Variants in PRKDC observed in about 807,000 individuals in gnomAD.
The protein encoded by PRKDC is DNA-dependent protein kinase catalytic subunit.
A neutral mutation model predicts 486.9 loss-of-function variants in PRKDC; 82 were observed. That is an observed-to-expected ratio of 0.17 (90% CI 0.14 to 0.20). The LOEUF (loss-of-function observed/expected upper bound fraction) is 0.20, where lower values mean the gene tolerates loss of function less well. Ranked by LOEUF, PRKDC falls within the 10% of genes least tolerant of loss-of-function variation. PRKDC has a pLI of 1.00. For synonymous variants in PRKDC, 1,895 were observed against 1,837.0 expected, an observed-to-expected ratio of 1.03 and a Z score of -0.81; for missense variants, 4,504 against 5,038.2, an observed-to-expected ratio of 0.89 and a Z score of 3.21.
rs566735848 is a variant in PRKDC, at chr8:47,896,503, C to T, written c.3598+658G>A. Among the ~76,000 whole-genome samples, 10 of 152,176 alleles carry T rather than the reference C, an allele frequency of 6.6e-5. 1 individual carries two copies. The highest frequency in any genetic ancestry group is 2.6e-4 in the Admixed American group (4 of 15,274). On this transcript the variant is annotated intron_variant, in intron 30 of 85. Coordinates refer to ENST00000314191, the MANE Select transcript of PRKDC (RefSeq NM_006904.7). Reference sequence around the variant, plus strand: ...TCTACTAAAAATACAAAAAATTAGCCGGACGCGGTGGCGGGTGCCTGTAGT... The same window carrying T: ...TCTACTAAAAATACAAAAAATTAGCTGGACGCGGTGGCGGGTGCCTGTAGT...
At chr8:47,939,397 G>A (rs1343139281) in intron 11 of PRKDC, among the ~76,000 whole-genome samples, 154 bp downstream of exon 11, 1 of 152,198 alleles carries the variant, frequency 6.6e-6, no homozygotes, top group Non-Finnish European at 1.5e-5. Context: ...AAAAACATCT[G>A]CATGTAAGTG....
At chr8:47,849,749 G>A (rs2088360139) in intron 52 of PRKDC, among the ~76,000 whole-genome samples, 1 of 152,188 alleles carries the variant, frequency 6.6e-6, no homozygotes, top group South Asian at 2.1e-4. Context: ...ACTGTGCTCT[G>A]TGCTGAGCAC....
At chr8:47,839,754 A>G (rs547316665) in intron 55 of PRKDC, among the ~76,000 whole-genome samples, 1 of 152,308 alleles carries the variant, frequency 6.6e-6, no homozygotes, top group South Asian at 2.1e-4. Context: ...AGGGGACCCA[A>G]ATGATCCCTA....
At chr8:47,904,067 T>C (rs908459576) in intron 26 of PRKDC, among the ~76,000 whole-genome samples, 2 of 152,000 alleles carry the variant, frequency 1.3e-5, no homozygotes, top group East Asian at 3.9e-4. Flanking sequence ...TATAGTAAAA[T>C]AAGCATCAAA....
At chr8:47,830,782 G>C (rs747063947) in intron 60 of PRKDC, 46 bp from the exon 61 acceptor site, 1 of 1,612,116 alleles carries the variant, frequency 6.2e-7, no homozygotes, top group Non-Finnish European at 8.5e-7. Context: ...TCTCATTGAA[G>C]GAAACTAGTC....
intron 21 of PRKDC, among the ~76,000 whole-genome samples, chr8:47,919,237 C>T (rs952125469): frequency 1.1e-4 from 17 of 152,282 alleles, no homozygotes; most frequent in East Asian, 1.9e-4. Context: ...TCTCTTTAGT[C>T]TCTTTTAGAC....
intron 74 of PRKDC, among the ~76,000 whole-genome samples, chr8:47,792,599 A>C (rs1406423176): frequency 2.1e-4 from 32 of 152,162 alleles, no homozygotes; most frequent in African/African-American, 5.8e-4. Context: ...AAATAACTAA[A>C]AGAGTATAAC....
chr8:47,863,819 T>A (rs1270091623), intron 41 of PRKDC, among the ~76,000 whole-genome samples: 1 of 152,134 alleles, frequency 6.6e-6, no homozygotes, highest in Non-Finnish European at 1.5e-5. Flanking sequence ...GAGCCAAGGG[T>A]AGAAAATGTT....
intron 51 of PRKDC, among the ~76,000 whole-genome samples, 175 bp downstream of exon 51, chr8:47,853,908 C>T (rs2088474877): frequency 2.0e-5 from 3 of 152,144 alleles, no homozygotes; most frequent in Admixed American, 2.0e-4. Flanking sequence ...TCAAGCAATC[C>T]TCCTGCCTTG....
intron 7 of PRKDC, among the ~76,000 whole-genome samples, chr8:47,947,220 T>A (rs2090548573): frequency 6.6e-6 from 1 of 152,208 alleles, no homozygotes; most frequent in African/African-American, 2.4e-5. Context: ...CTTCCCCAGC[T>A]GTCTCCCTCT....
intron 3 of PRKDC, among the ~76,000 whole-genome samples, chr8:47,956,512 A>C (rs2154504696): frequency 6.6e-6 from 1 of 150,972 alleles, no homozygotes; most frequent in African/African-American, 2.4e-5. Context: ...CTAGGCAACA[A>C]GGCGAAACCC....
intron 25 of PRKDC, among the ~76,000 whole-genome samples, chr8:47,911,454 T>C (rs1429580220): frequency 6.6e-6 from 1 of 152,194 alleles, no homozygotes; most frequent in Non-Finnish European, 1.5e-5. Context: ...CATGGAGAGG[T>C]TCATTGCTAC....
rs1388093461 is a variant in PRKDC, at chr8:47,893,154, C to T, written c.3832G>A (p.Ala1278Thr). The T allele has an allele frequency of 1.9e-6, 3 of 1,608,236 alleles. No individual in the cohort carries two copies. The highest frequency in any genetic ancestry group is 2.6e-6 in the Non-Finnish European group (3 of 1,175,766). ...NTFIGERTVG[A>T]LQVLGTEAQS... The stretch of plus-strand genomic sequence containing the variant: ...GGTGACCTACCTAGGACCTGGAGCG[C>T]TCCTACAGTTCTCTCGCCAATGAAC... Residue 1278 changes from alanine to threonine, a missense_variant, in exon 31 of 86, where the codon GCG (alanine) becomes ACG (threonine). Physicochemically the swap from Ala to Thr is moderately conservative, Grantham distance 58 (BLOSUM62 0). This residue lies in a region of PRKDC where 1,969 missense variants were observed against 2,068.9 expected (regional missense o/e 0.95). Coordinates refer to ENST00000314191, the MANE Select transcript of PRKDC (RefSeq NM_006904.7).
chr8:47,950,268 G>C (rs949690135), intron 7 of PRKDC, among the ~76,000 whole-genome samples: 2 of 143,576 alleles, frequency 1.4e-5, no homozygotes, highest in African/African-American at 2.6e-5. Context: ...GTGAAACTCT[G>C]TCTCAAAAAA....
At chr8:47,779,347 T>A (rs1216827563) in intron 80 of PRKDC, 3 of 350,726 alleles carry the variant, frequency 8.6e-6, no homozygotes, top group African/African-American at 6.4e-5. Context: ...TACAAAACCA[T>A]CAGATCCAAC....
intron 40 of PRKDC, 114 bp from the exon 41 acceptor site, chr8:47,864,877 C>T (rs2088771551): frequency 2.1e-6 from 2 of 957,864 alleles, no homozygotes; most frequent in African/African-American, 3.3e-5. Context: ...ACAAAAATAA[C>T]TTTAAGGACT....
Position 47,893,331 on chromosome 8 carries a change from A to C in PRKDC, c.3655T>G (p.Phe1219Val). 1 of 1,583,056 alleles carries C rather than the reference A, an allele frequency of 6.3e-7. No homozygotes were observed. The highest frequency in any genetic ancestry group is 1.1e-5 in the South Asian group (1 of 87,742). The change falls in exon 31 of 86, where the codon TTT becomes GTT. Residue 1219 changes from phenylalanine to valine, a missense_variant. By Grantham distance (50) the Phe-to-Val change is conservative. This residue lies in a region of PRKDC where 1,969 missense variants were observed against 2,068.9 expected (regional missense o/e 0.95). Coordinates refer to ENST00000314191, the MANE Select transcript of PRKDC (RefSeq NM_006904.7). ...KDVLKEEGVS[F>V]LINTFEGGGC... is the part of the protein sequence containing the mutation. ...CCCCCCTCAAAGGTGTTGATGAGAA[A>C]AGAGACACCTTCTTCCTTGAGAACA... is the stretch of plus-strand genomic sequence containing the variant.
At chr8:47,779,614 G>GCA (rs1424254211) in intron 80 of PRKDC, among the ~76,000 whole-genome samples, 20 of 152,228 alleles carry the variant, frequency 1.3e-4, no homozygotes, top group South Asian at 1.0e-3. Context: ...TTTTGAGATG[G>GCA]GAGTCTAGCT....
chr8:47,808,908 G>A (rs947336014), intron 68 of PRKDC, among the ~76,000 whole-genome samples: 9 of 151,832 alleles, frequency 5.9e-5, no homozygotes, highest in Non-Finnish European at 1.2e-4. Context: ...ATGGTGGCGT[G>A]AGCCTGTATT....
Sources: allele counts gnomAD v4.1 joint callset (sites outside exome capture counted in the v4.1 genomes callset), GRCh38; gene constraint gnomAD v4.1.1; regional missense constraint gnomAD v4.1.1; transcripts MANE v1.5; gene names NCBI Gene and HGNC (gene_info 2026-07-23, HGNC 2026-07-21).